Variants in ADGRB3 observed in about 807,000 individuals in gnomAD.
The protein encoded by ADGRB3 is brain-specific angiogenesis inhibitor 3.
A neutral mutation model predicts 193.4 loss-of-function variants in ADGRB3; 37 were observed. That is an observed-to-expected ratio of 0.19 (90% confidence interval 0.15 to 0.25). The LOEUF (loss-of-function observed/expected upper bound fraction) is 0.25. Ranked by LOEUF, ADGRB3 falls within the 10% of genes least tolerant of loss-of-function variation. The pLI is 1.00. For missense variants in ADGRB3, 1,637 were observed against 1,852.9 expected (o/e 0.88, Z 2.14); for synonymous variants, 690 against 644.2 (o/e 1.07, Z -1.08).
intron 8 of ADGRB3, among the ~76,000 whole-genome samples, chr6:68,972,583 T>C (rs1169861404): frequency 6.6e-6 from 1 of 152,170 alleles, no homozygotes; most frequent in Non-Finnish European, 1.5e-5. Flanking sequence ...ATGTGATAAA[T>C]AAGGATCATA....
At chr6:69,191,359 T>G (rs1323036034) in intron 17 of ADGRB3, among the ~76,000 whole-genome samples, 1 of 152,168 alleles carries the variant, frequency 6.6e-6, no homozygotes, top group East Asian at 1.9e-4. Context: ...TCATGGATTT[T>G]AGATAAAATA....
intron 3 of ADGRB3, among the ~76,000 whole-genome samples, chr6:68,719,757 A>C (rs142778902): frequency 1.1e-3 from 172 of 151,620 alleles, no homozygotes; most frequent in African/African-American, 4.0e-3. Context: ...GTCTTTCAAC[A>C]TTTCATTGAT....
chr6:69,299,264 T>TA (rs1198418290), intron 20 of ADGRB3, among the ~76,000 whole-genome samples: 1 of 151,940 alleles, frequency 6.6e-6, no homozygotes, highest in East Asian at 1.9e-4. Context: ...TGTTTAGTTT[T>TA]TGTTTTTGTT....
chr6:69,322,050 C>G (rs1016848113), intron 20 of ADGRB3, among the ~76,000 whole-genome samples: 8 of 151,898 alleles, frequency 5.3e-5, no homozygotes, highest in African/African-American at 1.9e-4. Context: ...TTGTTCTCCT[C>G]TGTGTGTCCA....
intron 30 of ADGRB3, among the ~76,000 whole-genome samples, chr6:69,379,963 C>G (rs1258290607): frequency 6.6e-6 from 1 of 151,922 alleles, no homozygotes; most frequent in Non-Finnish European, 1.5e-5. Flanking sequence ...GTAGAAAATA[C>G]CAAAATGTTT....
At chr6:68,815,252 T>C (rs1332733503) in intron 3 of ADGRB3, among the ~76,000 whole-genome samples, 1 of 152,204 alleles carries the variant, frequency 6.6e-6, no homozygotes, top group Non-Finnish European at 1.5e-5. Flanking sequence ...GAATTTAAAC[T>C]GCAGTTCTAA....
chr6:68,921,022 TAATTA>T (rs1341038435), intron 3 of ADGRB3, among the ~76,000 whole-genome samples: 3 of 152,200 alleles, frequency 2.0e-5, no homozygotes, highest in South Asian at 2.1e-4. Context: ...CACTTTTAAA[TAATTA>T]AATTAGGATA....
intron 17 of ADGRB3, among the ~76,000 whole-genome samples, chr6:69,090,559 T>A (rs1376307513): frequency 1.3e-5 from 2 of 152,214 alleles, no homozygotes; most frequent in African/African-American, 2.4e-5. Flanking sequence ...ATATATTTAT[T>A]CAAGAACCAT....
intron 3 of ADGRB3, among the ~76,000 whole-genome samples, chr6:68,682,152 A>G (rs1374799049): frequency 1.3e-5 from 2 of 152,140 alleles, no homozygotes; most frequent in Non-Finnish European, 2.9e-5. Flanking sequence ...TCCAAAACCC[A>G]CTGTGGGTCA....
At chr6:69,006,722 G>A (rs937916709) in intron 11 of ADGRB3, among the ~76,000 whole-genome samples, 1 of 151,678 alleles carries the variant, frequency 6.6e-6, no homozygotes, top group Non-Finnish European at 1.5e-5. Context: ...TGGCCAGGCT[G>A]GTCTTGAACT....
In ADGRB3 at chr6:69,361,108, A is replaced by G. The variant is rs1769441383; in HGVS notation, c.3835A>G (p.Arg1279Gly). Residue 1279 changes from arginine (R) to glycine (G), a missense_variant, in exon 29 of 32, where the codon AGA becomes GGA. Physicochemically the swap from Arg to Gly is moderately radical, Grantham distance 125. Coordinates refer to ENST00000370598, the MANE Select transcript of ADGRB3 (RefSeq NM_001704.3). Reference sequence around the variant, plus strand: ...GAAAAAAGAAAATAGTGAATTGCGGAGAACTGTGTACTTATGTACGGATGA... The same window carrying G: ...GAAAAAAGAAAATAGTGAATTGCGGGGAACTGTGTACTTATGTACGGATGA... ...CLKKENSELRRTVYLCTDDNL... is the reference protein window; with the variant it reads ...CLKKENSELRGTVYLCTDDNL... 2.5e-6 allele frequency: 4 copies of G among 1,612,796 alleles called. No homozygotes were observed. In the African/African-American group the frequency reaches 4.0e-5, roughly 16 times the overall value.
chr6:68,824,671 T>G (rs1249325817), intron 3 of ADGRB3, among the ~76,000 whole-genome samples: 1 of 148,938 alleles, frequency 6.7e-6, no homozygotes, highest in East Asian at 1.9e-4. Context: ...TGTGTAATCA[T>G]GCAACCACCA....
At chr6:68,844,023 A>C (rs1353489591) in intron 3 of ADGRB3, among the ~76,000 whole-genome samples, 2 of 152,212 alleles carry the variant, frequency 1.3e-5, no homozygotes, top group East Asian at 3.9e-4. Context: ...TATCAAATGC[A>C]AATGGATTGA....
chr6:68,903,995 A>AG (rs1397140557), intron 3 of ADGRB3, among the ~76,000 whole-genome samples: 1 of 146,584 alleles, frequency 6.8e-6, no homozygotes, highest in African/African-American at 2.5e-5. Context: ...ACAATATGAA[A>AG]AAAAAAAAAA....
chr6:69,361,261 A>G lies in ADGRB3; in HGVS notation c.3988A>G (p.Ile1330Val). 1 of 1,612,906 alleles carries G rather than the reference A, an allele frequency of 6.2e-7. No individual in the cohort carries two copies. Among genetic ancestry groups the G allele is most frequent in the Non-Finnish European group, 8.5e-7 (1 of 1,179,274 alleles). ...PSMKEESKMNIGMETLPHERL... is the reference protein window; with the variant it reads ...PSMKEESKMNVGMETLPHERL... ...AATGAAAGAAGAAAGCAAAATGAAT[A>G]TTGGCATGGAAACCTTGCCGCATGA... The change falls in exon 29 of 32, where the codon ATT becomes GTT. Residue 1330 changes from isoleucine (I) to valine (V), a missense_variant. Ile to Val is a conservative substitution (Grantham distance 29, BLOSUM62 3). This residue lies in a region of ADGRB3 where 368 missense variants were observed against 367.4 expected (regional missense o/e 1.00). Coordinates refer to ENST00000370598, the MANE Select transcript of ADGRB3 (RefSeq NM_001704.3).
chr6:69,197,912 T>C (rs183710793), intron 17 of ADGRB3, among the ~76,000 whole-genome samples: 335 of 152,252 alleles, frequency 2.2e-3, no homozygotes, highest in African/African-American at 7.6e-3. Flanking sequence ...CTTTAATTCC[T>C]GTCTCTTACT....
At chr6:69,139,297 A>G (rs1018750695) in intron 17 of ADGRB3, among the ~76,000 whole-genome samples, 2 of 152,180 alleles carry the variant, frequency 1.3e-5, no homozygotes, top group Non-Finnish European at 2.9e-5. Context: ...ATGCACTTAA[A>G]TGCCAATAAA....
At chr6:68,859,873 C>G (rs1035870676) in intron 3 of ADGRB3, among the ~76,000 whole-genome samples, 4 of 151,546 alleles carry the variant, frequency 2.6e-5, no homozygotes, top group African/African-American at 9.7e-5. Flanking sequence ...TTGAGGAGCC[C>G]CAATATTTTG....
intron 3 of ADGRB3, among the ~76,000 whole-genome samples, chr6:68,926,477 G>A (rs1582320729): frequency 6.6e-6 from 1 of 152,072 alleles, no homozygotes; most frequent in African/African-American, 2.4e-5. Flanking sequence ...TGTAAGAAAC[G>A]GTGCAGTGGT....
Sources: gnomAD v4.1 joint callset for allele counts (sites outside exome capture counted in the v4.1 genomes callset) on GRCh38, gnomAD v4.1.1 for gene constraint, gnomAD v4.1.1 regional missense constraint, MANE v1.5 for transcripts, NCBI Gene and HGNC (gene_info 2026-07-23, HGNC 2026-07-21) for gene names.